PDE7B: variants seen among roughly 807,000 people sequenced by gnomAD.
PDE7B encodes 3',5'-cyclic-AMP phosphodiesterase 7B.
In PDE7B, 29 loss-of-function variants were observed where a neutral mutation model predicts 56.2. The observed-to-expected ratio is 0.52, with a 90% CI of 0.38 to 0.70. The LOEUF (loss-of-function observed/expected upper bound fraction) is 0.70, where lower values mean the gene tolerates loss of function less well. Among genes scored for constraint, PDE7B ranks in the 30% least tolerant of loss-of-function variants. PDE7B has a pLI of 0.00. For synonymous variants in PDE7B, 197 were observed against 196.9 expected, an observed-to-expected ratio of 1.00 and a Z score of 0.00; for missense variants, 490 against 565.0, an observed-to-expected ratio of 0.87 and a Z score of 1.35.
intron 3 of PDE7B, among the ~76,000 whole-genome samples, chr6:136,109,676 C>G (rs1237194951): frequency 6.6e-6 from 1 of 152,180 alleles, no homozygotes; most frequent in Admixed American, 6.5e-5. Flanking sequence ...TGCTCCTCAT[C>G]AGTAGTTTTG....
intron 2 of PDE7B, among the ~76,000 whole-genome samples, chr6:136,103,294 G>A (rs1259113852): frequency 2.0e-5 from 3 of 152,206 alleles, no homozygotes. Context: ...TAAGATCATG[G>A]TACTCGGAAC....
intron 8 of PDE7B, among the ~76,000 whole-genome samples, chr6:136,161,261 T>A (rs1339531267): frequency 1.3e-5 from 2 of 152,176 alleles, no homozygotes; most frequent in African/African-American, 4.8e-5. Context: ...AGTACTCTCT[T>A]ACTTCCCTTA....
chr6:135,913,376 C>T (rs1021971388), intron 1 of PDE7B, among the ~76,000 whole-genome samples: 1 of 152,134 alleles, frequency 6.6e-6, no homozygotes, highest in African/African-American at 2.4e-5. Flanking sequence ...TGCTAAGGCC[C>T]AGGGTTCCTG....
At chr6:135,996,405 T>C (rs543973485) in intron 2 of PDE7B, among the ~76,000 whole-genome samples, 165 of 152,318 alleles carry the variant, frequency 1.1e-3, no homozygotes, top group South Asian at 7.0e-3. Flanking sequence ...CAACTACTAA[T>C]ATGTGATAGA....
chr6:135,905,864 G>A (rs1215801326), intron 1 of PDE7B, among the ~76,000 whole-genome samples: 1 of 152,200 alleles, frequency 6.6e-6, no homozygotes, highest in East Asian at 1.9e-4. Context: ...CACTTTTGGA[G>A]TGGTGGTCAC....
chr6:136,054,943 C>T (rs1776703714), intron 2 of PDE7B, among the ~76,000 whole-genome samples: 1 of 152,184 alleles, frequency 6.6e-6, no homozygotes, highest in Non-Finnish European at 1.5e-5. Context: ...ACAGGAAATA[C>T]CTGCCCCCAT....
chr6:135,968,350 A>G (rs1338867332), intron 2 of PDE7B, among the ~76,000 whole-genome samples: 1 of 152,094 alleles, frequency 6.6e-6, no homozygotes, highest in Non-Finnish European at 1.5e-5. Context: ...CAAAGAAACT[A>G]TCATCAGAGT....
intron 2 of PDE7B, among the ~76,000 whole-genome samples, chr6:136,056,128 G>A (rs1248496268): frequency 6.6e-6 from 1 of 152,182 alleles, no homozygotes; most frequent in African/African-American, 2.4e-5. Context: ...AGAAAGACAT[G>A]TTCTGTATTG....
At chr6:135,888,610 A>G (rs7772264) in intron 1 of PDE7B, among the ~76,000 whole-genome samples, 7,320 of 151,954 alleles carry the variant, frequency 0.048, 253 homozygotes, top group East Asian at 0.11. Flanking sequence ...AGATCCAAGA[A>G]GAACAACTAA....
At chr6:135,945,848 A>C (rs550401636) in intron 1 of PDE7B, among the ~76,000 whole-genome samples, 111 of 152,346 alleles carry the variant, frequency 7.3e-4, no homozygotes, top group African/African-American at 2.1e-3. Flanking sequence ...AGACAGGTGC[A>C]GAGATGTATT....
Position 136,129,855 on chromosome 6 carries a change from G to A in PDE7B, c.167-17496G>A, listed in dbSNP as rs533119642. On this transcript the variant is annotated intron_variant, in intron 3 of 12. Coordinates refer to ENST00000308191, the MANE Select transcript of PDE7B (RefSeq NM_018945.4). Reference sequence around the variant, plus strand: ...AACTCTTCATTCTGAGCAATCCAGTGTTAACCTAGGATGAGAGAAGGCAAG... The same window carrying A: ...AACTCTTCATTCTGAGCAATCCAGTATTAACCTAGGATGAGAGAAGGCAAG... Among the ~76,000 whole-genome samples, 4 of 152,278 alleles carry A rather than the reference G, an allele frequency of 2.6e-5. No homozygotes were observed. In the South Asian group the frequency reaches 8.3e-4, roughly 32 times the overall value.
rs1193071422 is a variant in PDE7B, at chr6:136,193,043, T to C, written c.*1203T>C. 1.3e-5 allele frequency: 2 copies of C among 152,644 alleles called. No individual in the cohort carries two copies. Among genetic ancestry groups the C allele is most frequent in the Non-Finnish European group, 2.9e-5 (2 of 68,050 alleles). The allele number at this position is 152,644 out of a possible 1,614,324, so 9.5% of individuals were successfully genotyped here. A position where few individuals can be genotyped will look rare whatever the true frequency, so the allele number is the denominator to read the frequency against. ...GATTAATGAGACCCTTCAACAAGCC[T>C]GAATCAGTCACTTTTCAACACAGCG... On this transcript the variant is annotated 3_prime_UTR_variant, in exon 13 of 13. Coordinates refer to ENST00000308191, the MANE Select transcript of PDE7B (RefSeq NM_018945.4).
chr6:136,147,169 A>AG (rs1335402417), intron 3 of PDE7B, among the ~76,000 whole-genome samples, 182 bp from the exon 4 acceptor site: 1 of 152,052 alleles, frequency 6.6e-6, no homozygotes, highest in Non-Finnish European at 1.5e-5. Flanking sequence ...AAATTAAAAA[A>AG]AAAACAAATA....
intron 1 of PDE7B, among the ~76,000 whole-genome samples, chr6:135,871,919 A>G (rs758664479): frequency 9.2e-5 from 14 of 152,224 alleles, no homozygotes; most frequent in Non-Finnish European, 1.9e-4. Flanking sequence ...ATTTTAATTA[A>G]TGATTCTTAG....
At chr6:136,103,760 A>G (rs1777602128) in intron 2 of PDE7B, among the ~76,000 whole-genome samples, 1 of 152,110 alleles carries the variant, frequency 6.6e-6, no homozygotes, top group South Asian at 2.1e-4. Flanking sequence ...GAACGTCACT[A>G]TCTTCTTCAT....
chr6:135,967,844 G>C (rs1217814607), intron 2 of PDE7B, among the ~76,000 whole-genome samples: 4 of 152,184 alleles, frequency 2.6e-5, no homozygotes, highest in Admixed American at 1.3e-4. Context: ...ATATCCACAA[G>C]GGGCCAGCGC....
chr6:136,010,331 G>A (rs1329844781), intron 2 of PDE7B, among the ~76,000 whole-genome samples: 1 of 151,178 alleles, frequency 6.6e-6, no homozygotes, highest in African/African-American at 2.4e-5. Context: ...CCAGGTTTTA[G>A]GAATTCTAAC....
chr6:135,869,797 G>T (rs948782810), intron 1 of PDE7B, among the ~76,000 whole-genome samples: 1 of 152,178 alleles, frequency 6.6e-6, no homozygotes, highest in East Asian at 1.9e-4. Flanking sequence ...GAGTGATCCC[G>T]GCAGAGGAGA....
chr6:136,046,683 C>A (rs1396451517), intron 2 of PDE7B, among the ~76,000 whole-genome samples: 1 of 152,178 alleles, frequency 6.6e-6, no homozygotes, highest in Non-Finnish European at 1.5e-5. Context: ...TTGACATGAC[C>A]TTACCCTGTG....
Sources: gnomAD v4.1 joint callset for allele counts (sites outside exome capture counted in the v4.1 genomes callset) on GRCh38, gnomAD v4.1.1 for gene constraint, MANE v1.5 for transcripts, NCBI Gene and HGNC (gene_info 2026-07-23, HGNC 2026-07-21) for gene names.